The following PKD2L1 variants were observed in gnomAD, a reference collection of about 807,000 sequenced individuals.
PKD2L1 encodes the protein polycystin 2 like 1, transient receptor potential cation channel.
Under a neutral mutation model 93.0 loss-of-function variants are expected in PKD2L1, and 77 were observed. The observed-to-expected ratio is 0.83, with a 90% CI of 0.69 to 1.00. The LOEUF (loss-of-function observed/expected upper bound fraction) is 1.00. Among genes scored for constraint, PKD2L1 ranks in the 50% least tolerant of loss-of-function variants. The probability of loss-of-function intolerance (pLI) is 0.00; values close to 1 mark genes in which losing one functional copy is unlikely to be tolerated. For synonymous variants in PKD2L1, 390 were observed against 388.0 expected (o/e 1.01, Z -0.06); for missense variants, 977 against 990.9 (o/e 0.99, Z 0.19).
chr10:100,293,040 A>G lies in PKD2L1; in HGVS notation c.1788T>C (p.Arg596=), dbSNP rs758045256. The G allele has an allele frequency of 1.2e-6, 2 of 1,614,062 alleles. No homozygotes were observed. Among genetic ancestry groups the G allele is most frequent in the Non-Finnish European group, 1.7e-6 (2 of 1,180,030 alleles). Residue 596 remains arginine (R), a synonymous_variant, in exon 11 of 16, where the codon CGT becomes CGC. Transcript: ENST00000318222. ...QGYNKTLLRL[R]LRKERVSDVQ... ...CATCCGAAACCCTCTCCTTCCTCAG[A>G]CGCAGTCTTAGTAGGGTCTTGTTGT...
At chr10:100,314,444 G>T (rs910220315) in intron 2 of PKD2L1, among the ~76,000 whole-genome samples, 1 of 152,090 alleles carries the variant, frequency 6.6e-6, no homozygotes, top group Non-Finnish European at 1.5e-5. Context: ...AAGGAAGCAG[G>T]CACGGGGACA....
rs767916256 is a variant in PKD2L1, at chr10:100,293,101, C to G, written c.1759-32G>C. On this transcript the variant is annotated intron_variant, in intron 10 of 15. Transcript: ENST00000318222. ...GGGAAAGGAAATAGGCACAAGTTCT[C>G]ACAGGCTGCTCACTCATCCCTGGCC... 6 of 1,608,062 alleles carry G rather than the reference C, an allele frequency of 3.7e-6. No individual in the cohort carries two copies. The South Asian group carries it at 5.5e-5, about 15-fold the overall frequency.
Position 100,307,836 on chromosome 10 carries a change from G to A in PKD2L1, c.350-8118C>T, listed in dbSNP as rs549719773. 4.6e-5 allele frequency among the ~76,000 whole-genome samples: 7 copies of A among 152,302 alleles called. 1 individual carries two copies. In the South Asian group the frequency reaches 8.3e-4, roughly 18 times the overall value. On this transcript the variant is annotated intron_variant, in intron 2 of 15. Transcript: ENST00000318222. The stretch of plus-strand genomic sequence containing the variant: ...ATCATCTGAGGCTCACATGGAGGGG[G>A]TTCTAGGGCTGGCCTTCCCAGCTCC...
At chr10:100,299,857 G>A in intron 2 of PKD2L1, 139 bp from the exon 3 acceptor site, 5 of 696,178 alleles carry the variant, frequency 7.2e-6, no homozygotes, top group Non-Finnish European at 1.2e-5. Context: ...ACTTGGTTAG[G>A]AGCCTAATGG....
At chr10:100,329,696 G>T (rs765402052) in intron 1 of PKD2L1, among the ~76,000 whole-genome samples, 173 bp downstream of exon 1, 15 of 152,116 alleles carry the variant, frequency 9.9e-5, no homozygotes, top group Non-Finnish European at 1.0e-4. Context: ...CGCTCAGCTG[G>T]CCTCTGTGTT....
chr10:100,299,714 G>C lies in PKD2L1; in HGVS notation c.354C>G (p.Thr118=), dbSNP rs771576567. 1 of 1,613,570 alleles carries C rather than the reference G, an allele frequency of 6.2e-7. No homozygotes were observed. The highest frequency in any genetic ancestry group is 8.5e-7 in the Non-Finnish European group (1 of 1,179,614). ...AAGCACTGGAGCTTGTCATTCCATA[G>C]GTCACTAGAAAACAACCCAAGAGGC... is the stretch of plus-strand genomic sequence containing the variant. The part of the protein sequence containing the change: ...IVFLVDICLL[T]YGMTSSSAYY... Residue 118 remains threonine, a synonymous_variant, in exon 3 of 16, where the codon ACC becomes ACG. Transcript: ENST00000318222.
rs749596339 is a variant in PKD2L1, at chr10:100,290,503, T to G, written c.2024A>C (p.Glu675Ala). 1 of 1,612,420 alleles carries G rather than the reference T, an allele frequency of 6.2e-7. No homozygotes were observed. The highest frequency in any genetic ancestry group is 1.1e-5 in the South Asian group (1 of 91,072). ...AATAGATCGGCCTAGTTTCTCAATCTCAGTGTTGAGGGCCACCTGCTCAGG... is the reference window on the plus strand; with the variant it reads ...AATAGATCGGCCTAGTTTCTCAATCGCAGTGTTGAGGGCCACCTGCTCAGG... ...LEEERVALNT[E>A]IEKLGRSIVS... The change falls in exon 13 of 16, where the codon GAG (glutamate) becomes GCG (alanine). Residue 675 changes from glutamate (E) to alanine (A), a missense_variant. Transcript: ENST00000318222.
At chr10:100,297,856 A>T (rs143125693) in intron 4 of PKD2L1, among the ~76,000 whole-genome samples, 2 of 152,278 alleles carry the variant, frequency 1.3e-5, no homozygotes, top group Admixed American at 6.5e-5. Context: ...AGAAGAGGAA[A>T]CTATGAAAGA....
At chr10:100,293,111 T>A in intron 10 of PKD2L1, 42 bp from the exon 11 acceptor site, 1 of 1,604,758 alleles carries the variant, frequency 6.2e-7, no homozygotes, top group South Asian at 1.1e-5. Context: ...CACAGGCTGC[T>A]CACTCATCCC....
intron 2 of PKD2L1, among the ~76,000 whole-genome samples, chr10:100,319,070 T>A (rs1046137728): frequency 6.6e-6 from 1 of 152,060 alleles, no homozygotes; most frequent in Admixed American, 6.6e-5. Flanking sequence ...GGTCTTGAAT[T>A]CCCCACCTCA....
chr10:100,295,206 C>A, intron 7 of PKD2L1, 83 bp from the exon 8 acceptor site: 2 of 1,108,232 alleles, frequency 1.8e-6, no homozygotes. Context: ...CTATGGAGGC[C>A]ACAGGAGTTG....
chr10:100,288,563 A>C, intron 15 of PKD2L1, 85 bp from the exon 16 acceptor site: 2 of 858,234 alleles, frequency 2.3e-6, no homozygotes, highest in Non-Finnish European at 4.0e-6. Flanking sequence ...ACTGGGAAGT[A>C]GGAAGACATC....
intron 6 of PKD2L1, 108 bp from the exon 7 acceptor site, chr10:100,296,400 A>G (rs919762981): frequency 9.4e-6 from 8 of 847,732 alleles, no homozygotes; most frequent in Non-Finnish European, 1.2e-5. Flanking sequence ...AGGTGGGAAA[A>G]AAGCCATCCT....
intron 2 of PKD2L1, among the ~76,000 whole-genome samples, chr10:100,325,564 T>C (rs1032296378): frequency 5.9e-5 from 9 of 152,190 alleles, no homozygotes; most frequent in Admixed American, 5.2e-4. Context: ...CGGCACTTTG[T>C]GGGTGCGGAC....
At chr10:100,296,573 G>A (rs919730091) in intron 6 of PKD2L1, among the ~76,000 whole-genome samples, 1 of 152,110 alleles carries the variant, frequency 6.6e-6, no homozygotes, top group Admixed American at 6.6e-5. Context: ...ATTTCCTTCC[G>A]CTCCCACCAC....
intron 2 of PKD2L1, among the ~76,000 whole-genome samples, chr10:100,318,012 G>A (rs1456222747): frequency 6.6e-6 from 1 of 152,034 alleles, no homozygotes; most frequent in Non-Finnish European, 1.5e-5. Flanking sequence ...CCTGGGAGGC[G>A]GAGGTCGCAG....
intron 14 of PKD2L1, among the ~76,000 whole-genome samples, chr10:100,289,807 C>T (rs1234564474): frequency 6.6e-6 from 1 of 152,156 alleles, no homozygotes; most frequent in Non-Finnish European, 1.5e-5. Context: ...TCTCATGTGG[C>T]CAAGGCAGCC....
intron 11 of PKD2L1, among the ~76,000 whole-genome samples, chr10:100,292,571 T>C (rs1033432614): frequency 6.6e-6 from 1 of 152,120 alleles, no homozygotes; most frequent in East Asian, 1.9e-4. Flanking sequence ...TTGTTCAATG[T>C]GTATTAATAT....
intron 9 of PKD2L1, 105 bp downstream of exon 9, chr10:100,294,430 C>A: frequency 1.6e-6 from 2 of 1,234,084 alleles, no homozygotes; most frequent in Admixed American, 3.6e-5. Context: ...ACTCACTCTC[C>A]ATCCTTGATT....
Sources: allele counts gnomAD v4.1 joint callset (sites outside exome capture counted in the v4.1 genomes callset), GRCh38; gene constraint gnomAD v4.1.1; transcripts MANE v1.5; gene names NCBI Gene and HGNC (gene_info 2026-07-23, HGNC 2026-07-21).